NF1: variants seen among roughly 807,000 people sequenced by gnomAD.
NF1 encodes neurofibromin.
In NF1, 122 loss-of-function variants were observed where a neutral mutation model predicts 325.7. The observed-to-expected ratio is 0.37, with a 90% CI of 0.32 to 0.44. The LOEUF (loss-of-function observed/expected upper bound fraction) is 0.44, where lower values mean the gene tolerates loss of function less well. Among genes scored for constraint, NF1 ranks in the 20% least tolerant of loss-of-function variants. NF1 has a pLI of 1.00. For synonymous variants in NF1, 1,091 were observed against 1,186.0 expected, an observed-to-expected ratio of 0.92 and a Z score of 1.65; for missense variants, 2,140 against 3,415.4, an observed-to-expected ratio of 0.63 and a Z score of 9.31.
intron 15 of NF1, chr17:31,222,321 C>T (rs1257166292): frequency 4.8e-6 from 5 of 1,041,316 alleles, no homozygotes; most frequent in Non-Finnish European, 5.8e-6. Flanking sequence ...CATAAACTTT[C>T]TGTAATACCA....
intron 35 of NF1, among the ~76,000 whole-genome samples, chr17:31,263,078 G>GATA (rs2067716378): frequency 3.4e-5 from 3 of 87,926 alleles, no homozygotes; most frequent in East Asian, 2.2e-4. Context: ...TAGATAGATA[G>GATA]GTAGGTAGGT....
intron 1 of NF1, among the ~76,000 whole-genome samples, chr17:31,107,420 A>AT (rs2143264553): frequency 6.6e-6 from 1 of 152,144 alleles, no homozygotes; most frequent in East Asian, 1.9e-4. Flanking sequence ...GCATGCCACC[A>AT]TGCCGGGCTA....
At chr17:31,318,621 G>A in intron 36 of NF1, 2 of 1,614,080 alleles carry the variant, frequency 1.2e-6, no homozygotes, top group Non-Finnish European at 1.7e-6. Flanking sequence ...TAGCCATGTT[G>A]TTGTTGTTTT....
chr17:31,160,455 A>C (rs573615849), intron 3 of NF1, among the ~76,000 whole-genome samples: 6 of 152,342 alleles, frequency 3.9e-5, no homozygotes, highest in Admixed American at 3.3e-4. Flanking sequence ...GACAGTGTTT[A>C]TAAGTTTTCT....
chr17:31,276,024 A>G (rs2068000910), intron 36 of NF1, among the ~76,000 whole-genome samples: 1 of 152,040 alleles, frequency 6.6e-6, no homozygotes, highest in Non-Finnish European at 1.5e-5. Context: ...CCTGGCTAAC[A>G]CGGTGAAACC....
At chr17:31,334,376 G>A (rs756968239) in intron 39 of NF1, among the ~76,000 whole-genome samples, 2 of 151,998 alleles carry the variant, frequency 1.3e-5, no homozygotes, top group South Asian at 2.1e-4. Context: ...CATAATCCCC[G>A]TTTTTGCGGG....
At chr17:31,195,929 A>T (rs2066426973) in intron 8 of NF1, among the ~76,000 whole-genome samples, 1 of 152,036 alleles carries the variant, frequency 6.6e-6, no homozygotes, top group African/African-American at 2.4e-5. Flanking sequence ...CCTGCTTTTA[A>T]TTCTTCTGAA....
At position 31,376,462 on chromosome 17, in the gene NF1, C is replaced by T. The variant is rs1427440402; in HGVS notation, c.*2307C>T. On this transcript the variant is annotated 3_prime_UTR_variant, in exon 58 of 58. Transcript: ENST00000358273. ...CAAAAATACCTTTGACTAGTAAGTA[C>T]ATCCTAGGAGTTTGAAAACTTAACT... The T allele has an allele frequency of 4.3e-6, 1 of 232,566 alleles. No homozygotes were observed. The highest frequency in any genetic ancestry group is 8.5e-6 in the Non-Finnish European group (1 of 117,694). The allele number at this position is 232,566 out of a possible 1,614,324, so 14.4% of individuals were successfully genotyped here.
At chr17:31,266,736 G>A (rs901432332) in intron 36 of NF1, among the ~76,000 whole-genome samples, 15 of 145,062 alleles carry the variant, frequency 1.0e-4, no homozygotes, top group African/African-American at 3.9e-4. Flanking sequence ...ACAAAGCTGC[G>A]TTTTTTTTTT....
intron 44 of NF1, 65 bp from the exon 45 acceptor site, chr17:31,337,960 A>C (rs754030733): frequency 6.5e-7 from 1 of 1,533,828 alleles, no homozygotes; most frequent in Non-Finnish European, 9.0e-7. Flanking sequence ...TCAATGTTAT[A>C]ATTTATTATT....
In NF1 at chr17:31,144,151, G is replaced by A. The variant is rs189722012; in HGVS notation, c.61-11832G>A. On this transcript the variant is annotated intron_variant, in intron 1 of 57. Coordinates refer to ENST00000358273, the MANE Select transcript of NF1 (RefSeq NM_001042492.3). ...TTCTTGTTTTTCAAAAATTTCTTTGGTATTCTCACAAGTTTATTCTTCCAA... is the reference window on the plus strand; with the variant it reads ...TTCTTGTTTTTCAAAAATTTCTTTGATATTCTCACAAGTTTATTCTTCCAA... 3.9e-3 allele frequency among the ~76,000 whole-genome samples: 597 copies of A among 152,120 alleles called. 5 individuals are homozygous for A. Among genetic ancestry groups the A allele is most frequent in the African/African-American group, 0.014 (578 of 41,494 alleles).
intron 36 of NF1, chr17:31,294,655 A>G (rs912726823): frequency 3.1e-6 from 1 of 319,724 alleles, no homozygotes; most frequent in Non-Finnish European, 6.0e-6. Flanking sequence ...AGTTATGAGC[A>G]TAGACCTTTT....
At chr17:31,320,799 C>G (rs2069166651) in intron 36 of NF1, among the ~76,000 whole-genome samples, 1 of 152,150 alleles carries the variant, frequency 6.6e-6, no homozygotes, top group Non-Finnish European at 1.5e-5. Flanking sequence ...AAAAGAAATA[C>G]TTGAAATTGG....
At chr17:31,208,460 T>C (rs1013535024) in intron 12 of NF1, among the ~76,000 whole-genome samples, 2 of 152,186 alleles carry the variant, frequency 1.3e-5, no homozygotes, top group African/African-American at 4.8e-5. Context: ...ATAACCAGTA[T>C]GGAAGTATTG....
At chr17:31,159,714 AT>A (rs2065729228) in intron 3 of NF1, among the ~76,000 whole-genome samples, 2 of 152,204 alleles carry the variant, frequency 1.3e-5, no homozygotes, top group Non-Finnish European at 2.9e-5. Context: ...TAAAGAAAGT[AT>A]TTCTATACAT....
intron 29 of NF1, among the ~76,000 whole-genome samples, chr17:31,247,348 G>T (rs2067412777): frequency 6.6e-6 from 1 of 152,116 alleles, no homozygotes; most frequent in African/African-American, 2.4e-5. Flanking sequence ...AGAGTACGAG[G>T]AAAAATCAGT....
At chr17:31,361,080 T>TAAAAAAA (rs1491396634) in intron 57 of NF1, 1 of 16,026 alleles carries the variant, frequency 6.2e-5, no homozygotes, top group African/African-American at 3.0e-4. Flanking sequence ...GCATACTATA[T>TAAAAAAA]CAAAAAAAAA....
intron 29 of NF1, among the ~76,000 whole-genome samples, chr17:31,240,753 C>T (rs1243708228): frequency 6.6e-5 from 10 of 152,072 alleles, no homozygotes; most frequent in East Asian, 1.9e-4. Context: ...TGTTATTGCC[C>T]GTCTTTTGGA....
At chr17:31,189,086 G>T (rs1350239376) in intron 8 of NF1, among the ~76,000 whole-genome samples, 1 of 152,138 alleles carries the variant, frequency 6.6e-6, no homozygotes, top group East Asian at 1.9e-4. Flanking sequence ...TATAGATTCA[G>T]TAGTACTCGA....
Sources: gnomAD v4.1 joint callset for allele counts (sites outside exome capture counted in the v4.1 genomes callset) on GRCh38, gnomAD v4.1.1 for gene constraint, MANE v1.5 for transcripts, NCBI Gene and HGNC (gene_info 2026-07-23, HGNC 2026-07-21) for gene names.